KCNQ1: variants seen among roughly 807,000 people sequenced by gnomAD.
KCNQ1 encodes potassium voltage-gated channel subfamily KQT member 1.
A neutral mutation model predicts 72.4 loss-of-function variants in KCNQ1; 49 were observed. That is an observed-to-expected ratio of 0.68 (90% CI 0.54 to 0.86). The LOEUF (loss-of-function observed/expected upper bound fraction) is 0.86. KCNQ1 is among the 40% of genes least tolerant of loss of function. KCNQ1 has a pLI of 0.00. For synonymous variants in KCNQ1, 450 were observed against 412.6 expected (o/e 1.09, Z -1.10); for missense variants, 790 against 945.1 (o/e 0.84, Z 2.15).
At chr11:2,754,760 C>T (rs1236842295) in intron 11 of KCNQ1, among the ~76,000 whole-genome samples, 3 of 152,168 alleles carry the variant, frequency 2.0e-5, no homozygotes, top group African/African-American at 4.8e-5. Flanking sequence ...GGATAATATA[C>T]GTTTATTAGT....
intron 2 of KCNQ1, among the ~76,000 whole-genome samples, chr11:2,533,824 CCACACAAAGA>C (rs1331407368): frequency 6.6e-6 from 1 of 152,226 alleles, no homozygotes; most frequent in Admixed American, 6.5e-5. Context: ...TTGTCAAACT[CCACACAAAGA>C]GAGAGGCACT....
chr11:2,605,747 GT>G (rs1848869787), intron 10 of KCNQ1, among the ~76,000 whole-genome samples: 2 of 152,238 alleles, frequency 1.3e-5, no homozygotes, highest in South Asian at 4.1e-4. Flanking sequence ...TTTCAAAATT[GT>G]TGCTATTCTG....
intron 10 of KCNQ1, among the ~76,000 whole-genome samples, chr11:2,606,445 A>C (rs1848881464): frequency 6.6e-6 from 1 of 151,958 alleles, no homozygotes; most frequent in Non-Finnish European, 1.5e-5. Flanking sequence ...GCGAATTCTT[A>C]CTCTGGTAGT....
In KCNQ1 at chr11:2,653,309, GT is replaced by G. The variant is rs1849786269; in HGVS notation, c.1394-8651del. On this transcript the variant is annotated intron_variant, in intron 10 of 15. Coordinates refer to ENST00000155840, the MANE Select transcript of KCNQ1 (RefSeq NM_000218.3). The surrounding 1 kb of genome is among the most constrained non-coding windows in gnomAD (Gnocchi z 5.3). ...CAGTGCAGACCAGTTTAGCTATTTT[GT>G]AACCTTGACTGCCCCCAGGCCCATG... The G allele has an allele frequency of 2.5e-6, 1 of 398,528 alleles. No individual in the cohort carries two copies. Among genetic ancestry groups the G allele is most frequent in the Non-Finnish European group, 4.4e-6 (1 of 226,112 alleles). 24.7% of individuals were successfully genotyped at this position (398,528 alleles called of 1,614,324 possible).
At chr11:2,587,758 G>A (rs914482481) in intron 9 of KCNQ1, 66 bp downstream of exon 9, 204 of 1,603,810 alleles carry the variant, frequency 1.3e-4, no homozygotes, top group Non-Finnish European at 1.1e-4. Flanking sequence ...CGTGGGGGCC[G>A]CAGCACGAGG....
rs1344942699 is a variant in KCNQ1, at chr11:2,645,468, G to A, written c.1394-16493G>A. 2 of 398,594 alleles carry A rather than the reference G, an allele frequency of 5.0e-6. No homozygotes were observed. Among genetic ancestry groups the A allele is most frequent in the Non-Finnish European group, 8.8e-6 (2 of 226,148 alleles). 24.7% of individuals were successfully genotyped at this position (398,594 alleles called of 1,614,324 possible). On this transcript the variant is annotated intron_variant, in intron 10 of 15. Transcript: ENST00000155840. This position sits in a 1 kb window ranked among gnomAD's most constrained non-coding sequence, Gnocchi z 5.8. ...GGTAGGCAGGCACAGGAAGATCCCT[G>A]TATACCCTGCTGAATGCTCATGTTG...
Position 2,818,851 on chromosome 11 carries a change from T to C in KCNQ1, c.1795-28916T>C, listed in dbSNP as rs1847675666. ...CCAGGAGACAGCTCAGCTTAGCTGC[T>C]CTTCCCCCAACCCCCAGGCCCAGCA... On this transcript the variant is annotated intron_variant, in intron 15 of 15. Transcript: ENST00000155840. The surrounding 1 kb of genome is among the most constrained non-coding windows in gnomAD (Gnocchi z 7.2). Among the ~76,000 whole-genome samples the C allele has an allele frequency of 6.6e-6, 1 of 151,886 alleles. No individual in the cohort carries two copies. The highest frequency in any genetic ancestry group is 1.5e-5 in the Non-Finnish European group (1 of 67,984).
At chr11:2,522,315 G>A (rs1282871133) in intron 1 of KCNQ1, among the ~76,000 whole-genome samples, 1 of 152,130 alleles carries the variant, frequency 6.6e-6, no homozygotes, top group Non-Finnish European at 1.5e-5. Context: ...TCGCTAGCCT[G>A]TCCTGCTTCC....
At chr11:2,633,524 C>G (rs1323465810) in intron 10 of KCNQ1, 1 of 398,358 alleles carries the variant, frequency 2.5e-6, no homozygotes, top group African/African-American at 2.1e-5. Context: ...AGTCTCTAAT[C>G]AATTTTGAGT....
rs1055918422 is a variant in KCNQ1 at position 2,803,090 on chromosome 11, C to T, written c.1794+25053C>T. Among the ~76,000 whole-genome samples, 6 of 152,100 alleles carry T rather than the reference C, an allele frequency of 3.9e-5. No homozygotes were observed. Among genetic ancestry groups the T allele is most frequent in the African/African-American group, 7.2e-5 (3 of 41,408 alleles). On this transcript the variant is annotated intron_variant, in intron 15 of 15. Coordinates refer to ENST00000155840, the MANE Select transcript of KCNQ1 (RefSeq NM_000218.3). This position sits in a 1 kb window ranked among gnomAD's most constrained non-coding sequence, Gnocchi z 6.4. ...GGAGTGCCCATCAGCCGGAAGGCCACGGGAGTCAATGGTGAGGGGCAGAGT... is the reference window on the plus strand; with the variant it reads ...GGAGTGCCCATCAGCCGGAAGGCCATGGGAGTCAATGGTGAGGGGCAGAGT...
Position 2,725,866 on chromosome 11 carries a change from C to T in KCNQ1, c.1515-42978C>T, listed in dbSNP as rs996801722. The stretch of plus-strand genomic sequence containing the variant: ...GCTCCCTGGGGCCCCACAGGCCAAG[C>T]GTTTTCTGACTTGGAGAGGCAGGAG... On this transcript the variant is annotated intron_variant, in intron 11 of 15. Coordinates refer to ENST00000155840, the MANE Select transcript of KCNQ1 (RefSeq NM_000218.3). This position sits in a 1 kb window ranked among gnomAD's most constrained non-coding sequence, Gnocchi z 7.2. Among the ~76,000 whole-genome samples, 1 of 152,104 alleles carries T rather than the reference C, an allele frequency of 6.6e-6. No homozygotes were observed. The highest frequency in any genetic ancestry group is 2.1e-4 in the South Asian group (1 of 4,824).
Position 2,538,238 on chromosome 11 carries a change from GT to G in KCNQ1, c.477+10223del, listed in dbSNP as rs1847768569. 6.6e-6 allele frequency among the ~76,000 whole-genome samples: 1 copy of G among 152,202 alleles called. No individual in the cohort carries two copies. Among genetic ancestry groups the G allele is most frequent in the South Asian group, 2.1e-4 (1 of 4,838 alleles). ...TCTCATTGCACATGGCTGTCACGCG[GT>G]TTCAGCTTCTTTGACCTGGAGCAGC... On this transcript the variant is annotated intron_variant, in intron 2 of 15. Coordinates refer to ENST00000155840, the MANE Select transcript of KCNQ1 (RefSeq NM_000218.3). This position sits in a 1 kb window ranked among gnomAD's most constrained non-coding sequence, Gnocchi z 6.7.
At chr11:2,749,641 CAAAAAAAAAAAAAAAAA>C (rs35701102) in intron 11 of KCNQ1, among the ~76,000 whole-genome samples, 2 of 87,120 alleles carry the variant, frequency 2.3e-5, no homozygotes, top group African/African-American at 3.8e-5. Context: ...ACTAAAAATA[CAAAAAAAAAAAAAAAAA>C]AAAAATTGTC....
At chr11:2,699,401 G>C (rs917071432) in intron 11 of KCNQ1, 3 of 402,732 alleles carry the variant, frequency 7.4e-6, no homozygotes, top group African/African-American at 4.1e-5. Flanking sequence ...AACCCTCCCA[G>C]AGAGATGGGG....
At position 2,566,095 on chromosome 11, in the gene KCNQ1, C is replaced by A. The variant is rs1848243154; in HGVS notation, c.478-4533C>A. Among the ~76,000 whole-genome samples, 1 of 152,180 alleles carries A rather than the reference C, an allele frequency of 6.6e-6. No homozygotes were observed. The highest frequency in any genetic ancestry group is 2.4e-5 in the African/African-American group (1 of 41,446). On this transcript the variant is annotated intron_variant, in intron 2 of 15. Transcript: ENST00000155840. This position sits in a 1 kb window ranked among gnomAD's most constrained non-coding sequence, Gnocchi z 6.7. The stretch of plus-strand genomic sequence containing the variant: ...ACCTCACCCCACAGGGCTGAGACAC[C>A]TCCCTGTCCCCTGGCAGGGCTGGAG...
chr11:2,461,797 G>GGGA, intron 1 of KCNQ1: 1 of 1,208,426 alleles, frequency 8.3e-7, no homozygotes, highest in South Asian at 1.3e-5. Context: ...AGTTATGGGT[G>GGGA]GCGGGTAGAT....
chr11:2,661,176 G>A lies in KCNQ1; in HGVS notation c.1394-785G>A. 1 of 398,602 alleles carries A rather than the reference G, an allele frequency of 2.5e-6. No homozygotes were observed. Among genetic ancestry groups the A allele is most frequent in the Admixed American group, 4.4e-5 (1 of 22,720 alleles). The allele number at this position is 398,602 out of a possible 1,614,324, so 24.7% of individuals were successfully genotyped here. A position where few individuals can be genotyped will look rare whatever the true frequency, so the allele number is the denominator to read the frequency against. ...GTTGGCAGTTAACACTGATGACCTT[G>A]GGGGAGGAAAGCCATTGTGAATCTT... is the stretch of plus-strand genomic sequence containing the variant. On this transcript the variant is annotated intron_variant, in intron 10 of 15. Coordinates refer to ENST00000155840, the MANE Select transcript of KCNQ1 (RefSeq NM_000218.3). The surrounding 1 kb of genome is among the most constrained non-coding windows in gnomAD (Gnocchi z 5.9).
chr11:2,591,554 G>A (rs1173622564), intron 10 of KCNQ1, among the ~76,000 whole-genome samples: 2 of 152,240 alleles, frequency 1.3e-5, no homozygotes, highest in Non-Finnish European at 2.9e-5. Flanking sequence ...ATGCTAACGG[G>A]CAGGTGGGCG....
Position 2,445,135 on chromosome 11 carries a change from A to G in KCNQ1, c.37A>G (p.Lys13Glu). The G allele has an allele frequency of 8.9e-7, 1 of 1,117,622 alleles. No individual in the cohort carries two copies. Among genetic ancestry groups the G allele is most frequent in the Non-Finnish European group, 1.1e-6 (1 of 912,778 alleles). 69.2% of individuals were successfully genotyped at this position (1,117,622 alleles called of 1,614,324 possible). Residue 13 changes from lysine (K) to glutamate (E), a missense_variant, in exon 1 of 16, where the codon AAG becomes GAG. Transcript: ENST00000155840. ...CTCCTCCCCGCCCAGGGCCGAGAGG[A>G]AGCGCTGGGGTTGGGGCCGCCTGCC... Reference protein sequence around the residue: ...AASSPPRAERKRWGWGRLPGA... With the variant: ...AASSPPRAERERWGWGRLPGA...
Sources: allele counts gnomAD v4.1 joint callset (sites outside exome capture counted in the v4.1 genomes callset), GRCh38; gene constraint gnomAD v4.1.1; non-coding constraint Gnocchi (gnomAD v3.1); transcripts MANE v1.5; gene names NCBI Gene and HGNC (gene_info 2026-07-23, HGNC 2026-07-21).